PPL: variants seen among roughly 807,000 people sequenced by gnomAD.
PPL encodes 190 kDa paraneoplastic pemphigus antigen.
A neutral mutation model predicts 194.4 loss-of-function variants in PPL; 198 were observed. That is an observed-to-expected ratio of 1.02 (90% CI 0.91 to 1.15). PPL has a LOEUF of 1.15. Among genes scored for constraint, PPL ranks in the 50% most tolerant of loss-of-function variants. The pLI is 0.00. For missense variants in PPL, 2,885 were observed against 2,294.8 expected (o/e 1.26, Z -5.25); for synonymous variants, 1,220 against 972.4 (o/e 1.25, Z -4.74).
At chr16:4,895,548 G>A in intron 10 of PPL, 46 bp downstream of exon 10, 1 of 1,612,290 alleles carries the variant, frequency 6.2e-7, no homozygotes, top group African/African-American at 1.3e-5. Flanking sequence ...GGTGTAGAGG[G>A]GTCCCCCGCC....
At position 4,884,381 on chromosome 16, in the gene PPL, T is replaced by C; in HGVS notation, c.4274A>G (p.Gln1425Arg). The C allele has an allele frequency of 2.5e-6, 4 of 1,611,702 alleles. No individual in the cohort carries two copies. The highest frequency in any genetic ancestry group is 3.4e-6 in the Non-Finnish European group (4 of 1,179,588). Residue 1425 changes from glutamine (Q) to arginine (R), a missense_variant, in exon 22 of 22, where the codon CAG (glutamine) becomes CGG (arginine). Physicochemically the swap from Gln to Arg is conservative, Grantham distance 43. Transcript: ENST00000345988. The surrounding 1 kb of genome is among the most constrained non-coding windows in gnomAD (Gnocchi z 5.7). ...TTCCTGCTCCAGCGCTGCCAGCCGC[T>C]GCTGCAACCGCTGTACCTCGCGCTC... ...EAEREVQRLQ[Q>R]RLAALEQEEA...
At chr16:4,926,318 C>G (rs75512319) in intron 1 of PPL, among the ~76,000 whole-genome samples, 2 of 152,118 alleles carry the variant, frequency 1.3e-5, no homozygotes, top group Non-Finnish European at 2.9e-5. Context: ...TCGACCCCAC[C>G]CCACCAACTC....
rs757842205 is a variant in PPL, at chr16:4,893,268, G to A, written c.1595C>T (p.Pro532Leu). The change falls in exon 14 of 22, where the codon CCA (proline) becomes CTA (leucine). Residue 532 changes from proline to leucine, a missense_variant. By Grantham distance (98) the Pro-to-Leu change is moderately conservative. Transcript: ENST00000345988. The part of the protein sequence containing the change: ...EKAITGILRP[P>L]LEQGRAVQDS... ...CTGCACAGCCCGGCCTTGCTCCAGT[G>A]GTGGCCGCAGGATCCCTGTGATGGC... The A allele has an allele frequency of 6.3e-7, 1 of 1,598,204 alleles. No individual in the cohort carries two copies. Among genetic ancestry groups the A allele is most frequent in the Non-Finnish European group, 8.5e-7 (1 of 1,175,492 alleles).
intron 2 of PPL, 62 bp from the exon 3 acceptor site, chr16:4,904,102 G>T: frequency 6.6e-7 from 1 of 1,524,986 alleles, no homozygotes; most frequent in East Asian, 2.4e-5. Context: ...GGTGGCAATG[G>T]GAGGGGTGGG....
intron 1 of PPL, among the ~76,000 whole-genome samples, chr16:4,923,123 C>T (rs899713849): frequency 1.3e-5 from 2 of 152,298 alleles, no homozygotes; most frequent in East Asian, 1.9e-4. Flanking sequence ...ATAAGGGAAA[C>T]TGCAGAAGGG....
intron 9 of PPL, among the ~76,000 whole-genome samples, chr16:4,896,436 G>A (rs1394234823): frequency 6.6e-6 from 1 of 152,164 alleles, no homozygotes; most frequent in Admixed American, 6.5e-5. Context: ...CTACAACACG[G>A]ATGAACCCGG....
chr16:4,886,990 C>T (rs888747346), intron 21 of PPL, 145 bp downstream of exon 21: 8 of 693,214 alleles, frequency 1.2e-5, no homozygotes, highest in Admixed American at 4.2e-5. Context: ...AGCATTGGCT[C>T]GGGCCAGTCT....
chr16:4,895,735 C>G lies in PPL; in HGVS notation c.973-19G>C. The G allele has an allele frequency of 2.5e-6, 4 of 1,613,568 alleles. No individual in the cohort carries two copies. Among genetic ancestry groups the G allele is most frequent in the Non-Finnish European group, 3.4e-6 (4 of 1,179,982 alleles). ...CGTGAAACTAGGGGAGAAGGTGGCT[C>G]TGTTACAGCCAGGAAACCACTAGAA... On this transcript the variant is annotated intron_variant, in intron 9 of 21. Transcript: ENST00000345988.
In PPL at chr16:4,885,142, C is replaced by T. The variant is rs1375858747; in HGVS notation, c.3513G>A (p.Gln1171=). 1.2e-5 allele frequency: 19 copies of T among 1,614,112 alleles called. No homozygotes were observed. Among genetic ancestry groups the T allele is most frequent in the Non-Finnish European group, 1.6e-5 (19 of 1,180,016 alleles). The change falls in exon 22 of 22, where the codon CAG becomes CAA. Residue 1171 remains glutamine (Q), a synonymous_variant. Transcript: ENST00000345988. The surrounding 1 kb of genome is among the most constrained non-coding windows in gnomAD (Gnocchi z 6.3). Reference sequence around the variant, plus strand: ...GCCGCACGATCTCCCGCACCTTCTCCTGCACCACCACTTTGGCGTTCTCCT... The same window carrying T: ...GCCGCACGATCTCCCGCACCTTCTCTTGCACCACCACTTTGGCGTTCTCCT... ...LEEENAKVVV[Q]EKVREIVRPD...
chr16:4,890,073 G>C (rs972863775), intron 18 of PPL, 111 bp downstream of exon 18: 1 of 1,492,020 alleles, frequency 6.7e-7, no homozygotes, highest in African/African-American at 1.4e-5. Flanking sequence ...GCTGTGGCAG[G>C]CCTCTGCCCT....
At chr16:4,912,083 C>G (rs1382059068) in intron 1 of PPL, among the ~76,000 whole-genome samples, 1 of 152,308 alleles carries the variant, frequency 6.6e-6, no homozygotes, top group South Asian at 2.1e-4. Context: ...TAAAATTCAC[C>G]TGTTTAAAAT....
At position 4,885,846 on chromosome 16, in the gene PPL, C is replaced by T; in HGVS notation, c.2809G>A (p.Val937Met). 6.2e-7 allele frequency: 1 copy of T among 1,607,838 alleles called. No homozygotes were observed. The highest frequency in any genetic ancestry group is 8.5e-7 in the Non-Finnish European group (1 of 1,179,998). Residue 937 changes from valine to methionine, a missense_variant, in exon 22 of 22, where the codon GTG becomes ATG. By Grantham distance (21) the Val-to-Met change is conservative (BLOSUM62 1). Transcript: ENST00000345988. This position sits in a 1 kb window ranked among gnomAD's most constrained non-coding sequence, Gnocchi z 6.3. ...GPQESVVRKE[V>M]LKKVPDPVLE... is the part of the protein sequence containing the mutation. ...ACGGGATCCGGCACCTTCTTGAGCA[C>T]CTCCTTCCTCACCACCGATTCCTGA...
intron 12 of PPL, 97 bp from the exon 13 acceptor site, chr16:4,893,735 A>C (rs2142346792): frequency 9.8e-7 from 1 of 1,021,942 alleles, no homozygotes; most frequent in Admixed American, 2.3e-5. Flanking sequence ...GACACCCCAG[A>C]GGAGCCTGAC....
chr16:4,918,135 A>T (rs1038450150), intron 1 of PPL, among the ~76,000 whole-genome samples: 3 of 151,854 alleles, frequency 2.0e-5, no homozygotes, highest in Non-Finnish European at 4.4e-5. Flanking sequence ...TCTACTAAAA[A>T]CACAAAAATT....
In PPL at chr16:4,902,428, G is replaced by A. The variant is rs764287418; in HGVS notation, c.416C>T (p.Ala139Val). 1.6e-5 allele frequency: 26 copies of A among 1,613,856 alleles called. No homozygotes were observed. Among genetic ancestry groups the A allele is most frequent in the Admixed American group, 8.3e-5 (5 of 59,974 alleles). Residue 139 changes from alanine (A) to valine (V), a missense_variant, in exon 4 of 22, where the codon GCG becomes GTG. By Grantham distance (64) the Ala-to-Val change is moderately conservative. Coordinates refer to ENST00000345988, the MANE Select transcript of PPL (RefSeq NM_002705.5). This position sits in a 1 kb window ranked among gnomAD's most constrained non-coding sequence, Gnocchi z 4.0. Reference protein sequence around the residue: ...VKEVDPQVNWAALVEEKLDKL... With the variant: ...VKEVDPQVNWVALVEEKLDKL... ...TACCAGCTTCTCCTCCACCAGTGCC[G>A]CCCAGTTGACCTGTGGATCCACTTC...
In PPL at chr16:4,892,232, C is replaced by T. The variant is rs748760721; in HGVS notation, c.1651-19G>A. 3.7e-6 allele frequency: 6 copies of T among 1,602,502 alleles called. No homozygotes were observed. In the South Asian group the frequency reaches 6.6e-5, roughly 18 times the overall value. ...TGATGTTCTGTGGGAACCAGGGCCC[C>T]TCAGTTTTGGACACAGCCAGGCAGC... is the stretch of plus-strand genomic sequence containing the variant. On this transcript the variant is annotated intron_variant, in intron 14 of 21. Coordinates refer to ENST00000345988, the MANE Select transcript of PPL (RefSeq NM_002705.5).
In PPL at chr16:4,894,674, C is replaced by A. The variant is rs2088386455; in HGVS notation, c.1243-56G>T. 4 of 1,580,796 alleles carry A rather than the reference C, an allele frequency of 2.5e-6. No homozygotes were observed. In the Admixed American group the frequency reaches 7.0e-5, roughly 28 times the overall value. On this transcript the variant is annotated intron_variant, in intron 11 of 21. Coordinates refer to ENST00000345988, the MANE Select transcript of PPL (RefSeq NM_002705.5). ...CCGGCAGGGCCTGAGGGCCTGGGAG[C>A]CCGGTTGCCATCTCAGCCCCCGACT...
At chr16:4,893,707 G>T in intron 12 of PPL, 69 bp from the exon 13 acceptor site, 1 of 1,330,824 alleles carries the variant, frequency 7.5e-7, no homozygotes, top group Non-Finnish European at 1.0e-6. Flanking sequence ...AGGCGGGACT[G>T]CGGACTCTGG....
At chr16:4,905,675 G>A (rs2088667355) in intron 2 of PPL, among the ~76,000 whole-genome samples, 1 of 152,206 alleles carries the variant, frequency 6.6e-6, no homozygotes, top group Non-Finnish European at 1.5e-5. Flanking sequence ...GTGGTGCCTG[G>A]TACGAAGTAA....
Sources: gnomAD v4.1 joint callset for allele counts (sites outside exome capture counted in the v4.1 genomes callset) on GRCh38, gnomAD v4.1.1 for gene constraint, Gnocchi (gnomAD v3.1) non-coding constraint, MANE v1.5 for transcripts, NCBI Gene and HGNC (gene_info 2026-07-23, HGNC 2026-07-21) for gene names.